AUTS2: variants seen among roughly 807,000 people sequenced by gnomAD.
AUTS2 encodes autism susceptibility gene 2 protein.
A neutral mutation model predicts 112.4 loss-of-function variants in AUTS2; 17 were observed. The observed-to-expected ratio is 0.15, with a 90% CI of 0.10 to 0.23. The LOEUF is 0.23. AUTS2 is among the 10% of genes least tolerant of loss of function. AUTS2 has a pLI of 1.00. For synonymous variants in AUTS2, 751 were observed against 702.7 expected (o/e 1.07, Z -1.09); for missense variants, 1,510 against 1,701.6 (o/e 0.89, Z 1.98).
intron 5 of AUTS2, among the ~76,000 whole-genome samples, chr7:70,647,553 T>A (rs1388979912): frequency 6.6e-6 from 1 of 152,258 alleles, no homozygotes; most frequent in Non-Finnish European, 1.5e-5. Flanking sequence ...AAAATGATGC[T>A]GGCCTTTATA....
At chr7:69,978,278 G>T (rs1798140688) in intron 2 of AUTS2, among the ~76,000 whole-genome samples, 1 of 152,136 alleles carries the variant, frequency 6.6e-6, no homozygotes, top group Admixed American at 6.5e-5. Context: ...CCATCAAGAT[G>T]TAGATTCCAG....
intron 7 of AUTS2, among the ~76,000 whole-genome samples, chr7:70,763,666 C>T (rs575380325): frequency 6.6e-6 from 1 of 152,200 alleles, no homozygotes; most frequent in South Asian, 2.1e-4. Context: ...GGAGTCGAAG[C>T]CTGGGGCATA....
intron 5 of AUTS2, among the ~76,000 whole-genome samples, chr7:70,486,741 A>C (rs1460455080): frequency 1.3e-5 from 2 of 152,160 alleles, no homozygotes; most frequent in African/African-American, 4.8e-5. Flanking sequence ...CCTGTGTGAC[A>C]GAGTGAGATT....
At chr7:70,626,132 C>T (rs1804930107) in intron 5 of AUTS2, among the ~76,000 whole-genome samples, 2 of 151,846 alleles carry the variant, frequency 1.3e-5, no homozygotes, top group African/African-American at 2.4e-5. Flanking sequence ...AGGCTGGTCT[C>T]GAACTCCTGA....
chr7:69,628,468 G>T (rs540278612), intron 1 of AUTS2, among the ~76,000 whole-genome samples: 7 of 152,232 alleles, frequency 4.6e-5, no homozygotes, highest in African/African-American at 1.7e-4. Context: ...AACATTTGTC[G>T]TAACTGTGAG....
chr7:70,419,827 A>G (rs943997422), intron 4 of AUTS2, among the ~76,000 whole-genome samples: 2 of 152,226 alleles, frequency 1.3e-5, no homozygotes, highest in Non-Finnish European at 2.9e-5. Flanking sequence ...AGAGAAATAT[A>G]TCTCTTTTTA....
chr7:70,319,585 T>TTTA (rs1790157374), intron 4 of AUTS2, among the ~76,000 whole-genome samples: 1 of 152,206 alleles, frequency 6.6e-6, no homozygotes, highest in Admixed American at 6.5e-5. Context: ...GTCTCTCCTG[T>TTTA]GTGTTTAGTG....
chr7:70,712,193 C>CT lies in AUTS2; in HGVS notation c.742+13607dup, dbSNP rs67326941. Among the ~76,000 whole-genome samples the CT allele has an allele frequency of 9.2e-3, 415 of 45,180 alleles. 94 individuals carry two copies. Among genetic ancestry groups the CT allele is most frequent in the African/African-American group, 0.012 (124 of 10,194 alleles). The allele number at this position is 45,180 out of a possible 152,430, so 29.6% of individuals were successfully genotyped here. ...GGCACAAGCCACCATGCCTGGCTCACTTTTTTTTTTTTTTTTTTTTTTTTT... is the reference window on the plus strand; with the variant it reads ...GGCACAAGCCACCATGCCTGGCTCACTTTTTTTTTTTTTTTTTTTTTTTTTT... On this transcript the variant is annotated intron_variant, in intron 6 of 18. Transcript: ENST00000342771.
intron 2 of AUTS2, among the ~76,000 whole-genome samples, chr7:69,979,466 A>G (rs1471421161): frequency 1.3e-5 from 2 of 152,240 alleles, no homozygotes; most frequent in Non-Finnish European, 2.9e-5. Context: ...TTTATTTCCA[A>G]TGGAAGGATT....
intron 1 of AUTS2, among the ~76,000 whole-genome samples, chr7:69,704,546 G>A (rs1359866664): frequency 2.0e-5 from 3 of 152,140 alleles, no homozygotes; most frequent in African/African-American, 4.8e-5. Context: ...CCAAAGTACA[G>A]GCATGAGCCA....
intron 11 of AUTS2, among the ~76,000 whole-genome samples, chr7:70,771,988 A>C (rs1790377576): frequency 6.6e-6 from 1 of 152,206 alleles, no homozygotes; most frequent in African/African-American, 2.4e-5. Flanking sequence ...CATGTGCGCC[A>C]GGTTGTTCCG....
At chr7:69,780,929 A>G (rs1388167724) in intron 1 of AUTS2, among the ~76,000 whole-genome samples, 1 of 152,214 alleles carries the variant, frequency 6.6e-6, no homozygotes, top group Non-Finnish European at 1.5e-5. Context: ...ACTGATTTCA[A>G]CCACCATTTA....
At chr7:70,038,845 G>A (rs1219108754) in intron 2 of AUTS2, among the ~76,000 whole-genome samples, 1 of 152,094 alleles carries the variant, frequency 6.6e-6, no homozygotes, top group East Asian at 1.9e-4. Context: ...GGTAACCTCT[G>A]CCTCCCGGGT....
chr7:70,102,510 A>G (rs964367859), intron 2 of AUTS2, among the ~76,000 whole-genome samples: 35 of 151,868 alleles, frequency 2.3e-4, no homozygotes, highest in African/African-American at 8.0e-4. Flanking sequence ...TAGTTTTGGC[A>G]TTATAGTTTC....
chr7:69,655,441 T>C (rs1795483576), intron 1 of AUTS2, among the ~76,000 whole-genome samples: 1 of 152,222 alleles, frequency 6.6e-6, no homozygotes, highest in Non-Finnish European at 1.5e-5. Flanking sequence ...CAAATTATGG[T>C]CCCCAGTCCA....
intron 4 of AUTS2, among the ~76,000 whole-genome samples, chr7:70,277,946 G>GTGTA (rs766569087): frequency 9.9e-5 from 13 of 131,738 alleles, no homozygotes; most frequent in Admixed American, 8.8e-4. Context: ...GTGTGTGTGT[G>GTGTA]TGTATGTATG....
intron 1 of AUTS2, among the ~76,000 whole-genome samples, chr7:69,634,028 C>CAGGAGTTTTTCCCCTGTATTCTCTTCT (rs1794400305): frequency 6.6e-6 from 1 of 152,092 alleles, no homozygotes; most frequent in Non-Finnish European, 1.5e-5. Flanking sequence ...AGACAAAGTC[C>CAGGAGTTTTTCCCCTGTATTCTCTTCT]AGGAGTTTTT....
At chr7:70,775,071 G>A (rs1790600788) in intron 12 of AUTS2, 1 of 446,814 alleles carries the variant, frequency 2.2e-6, no homozygotes, top group African/African-American at 2.0e-5. Context: ...TGAAACTCCT[G>A]GTGTGTGATG....
chr7:70,648,554 G>T (rs948355012), intron 5 of AUTS2, among the ~76,000 whole-genome samples: 11 of 152,244 alleles, frequency 7.2e-5, no homozygotes, highest in African/African-American at 2.6e-4. Flanking sequence ...AAACAAAACA[G>T]AATTTGTTTT....
Sources: allele counts gnomAD v4.1 joint callset (sites outside exome capture counted in the v4.1 genomes callset), GRCh38; gene constraint gnomAD v4.1.1; transcripts MANE v1.5; gene names NCBI Gene and HGNC (gene_info 2026-07-23, HGNC 2026-07-21).